KLHL8: variants seen among roughly 807,000 people sequenced by gnomAD.
The protein encoded by KLHL8 is kelch like family member 8, also known as kelch-like protein 8.
Under a neutral mutation model 63.5 loss-of-function variants are expected in KLHL8, and 38 were observed. That is an observed-to-expected ratio of 0.60 (90% confidence interval 0.46 to 0.78). KLHL8 has a LOEUF of 0.78. Among genes scored for constraint, KLHL8 ranks in the 30% least tolerant of loss-of-function variants. The pLI is 0.00. For synonymous variants in KLHL8, 224 were observed against 254.3 expected (o/e 0.88, Z 1.13); for missense variants, 566 against 752.4 (o/e 0.75, Z 2.90).
At chr4:87,222,270 C>T (rs528585126), upstream of KLHL8, among the ~76,000 whole-genome samples, 1 of 152,296 alleles carries the variant, frequency 6.6e-6, no homozygotes, top group Non-Finnish European at 1.5e-5. Context: ...ACACTTTTTC[C>T]CAGGCCATTG....
chr4:87,168,768 A>G (rs1371566497), intron 8 of KLHL8, among the ~76,000 whole-genome samples: 1 of 138,496 alleles, frequency 7.2e-6, no homozygotes, highest in African/African-American at 2.6e-5. Flanking sequence ...GTGTGTATAT[A>G]TATGTGTATA....
chr4:87,187,850 T>C (rs1731328229), intron 2 of KLHL8, among the ~76,000 whole-genome samples: 2 of 152,204 alleles, frequency 1.3e-5, no homozygotes, highest in South Asian at 4.1e-4. Flanking sequence ...TAGTACTATT[T>C]TAACAGTTTT....
At chr4:87,187,147 G>A (rs1238731154) in intron 2 of KLHL8, among the ~76,000 whole-genome samples, 2 of 152,098 alleles carry the variant, frequency 1.3e-5, no homozygotes, top group Non-Finnish European at 2.9e-5. Flanking sequence ...CTGCTTCAAA[G>A]GATACAATGT....
rs536347359 is a variant in KLHL8 at position 87,232,883 on chromosome 4, GT to G, written n.57+7374del. ...ATTTGTTGGTCCATTTTTCTATTAG[GT>G]TTTTTTTTCCAATTAGTTTTTTTTA... On this transcript the variant is annotated intron_variant and non_coding_transcript_variant, in intron 1 of 1. Transcript: ENST00000506274. 8.4e-3 allele frequency among the ~76,000 whole-genome samples: 1,250 copies of G among 149,054 alleles called. 21 individuals carry two copies. Among genetic ancestry groups the G allele is most frequent in the African/African-American group, 0.029 (1,186 of 40,580 alleles).
At position 87,160,226 on chromosome 4, in the gene KLHL8, T is replaced by C. The variant is rs1730106859; in HGVS notation, c.*3293A>G. The C allele has an allele frequency of 6.6e-6, 1 of 152,176 alleles. No individual in the cohort carries two copies. Among genetic ancestry groups the C allele is most frequent in the Non-Finnish European group, 1.5e-5 (1 of 68,016 alleles). 9.4% of individuals were successfully genotyped at this position (152,176 alleles called of 1,614,324 possible). On this transcript the variant is annotated 3_prime_UTR_variant, in exon 10 of 10. Transcript: ENST00000273963. ...CTTATTACATTGATTTTCTGGAGTA[T>C]TATAACACAAATTTATAAATGGTTT...
rs145410218 is a variant in KLHL8, at chr4:87,212,545, G to A, written c.-152+7873C>T. Among the ~76,000 whole-genome samples the A allele has an allele frequency of 1.3e-3, 194 of 151,814 alleles. 1 individual carries two copies. The highest frequency in any genetic ancestry group is 2.0e-3 in the Admixed American group (31 of 15,238). On this transcript the variant is annotated intron_variant, in intron 1 of 9. Transcript: ENST00000273963. Reference sequence around the variant, plus strand: ...GTAGTGAGCCATGATCTTGCCAGTGGACTCCAGCCTAAGCGACACAGTGAG... The same window carrying A: ...GTAGTGAGCCATGATCTTGCCAGTGAACTCCAGCCTAAGCGACACAGTGAG...
intron 8 of KLHL8, among the ~76,000 whole-genome samples, chr4:87,165,149 C>CAAAAA (rs71660120): frequency 2.9e-5 from 1 of 34,134 alleles, no homozygotes; most frequent in Non-Finnish European, 5.4e-5. Context: ...GACTCTGTCT[C>CAAAAA]AAAAAAAAAA....
intron 1 of KLHL8, chr4:87,207,355 G>A: frequency 3.1e-6 from 2 of 645,460 alleles, no homozygotes; most frequent in Non-Finnish European, 5.7e-6. Context: ...GGGCAATGCT[G>A]ACGCTGAGTA....
intron 2 of KLHL8, among the ~76,000 whole-genome samples, chr4:87,189,688 AAG>A (rs1002764299): frequency 6.6e-6 from 1 of 152,058 alleles, no homozygotes; most frequent in African/African-American, 2.4e-5. Flanking sequence ...TGAAAAAAAA[AAG>A]AGTTAACATT....
chr4:87,208,602 T>C (rs1732259140), intron 1 of KLHL8, among the ~76,000 whole-genome samples: 1 of 152,180 alleles, frequency 6.6e-6, no homozygotes, highest in African/African-American at 2.4e-5. Context: ...CCTCCCAAAA[T>C]GCGGGGACTA....
chr4:87,193,698 G>T (rs1307650488), intron 2 of KLHL8, among the ~76,000 whole-genome samples: 3 of 152,134 alleles, frequency 2.0e-5, no homozygotes, highest in African/African-American at 7.2e-5. Context: ...TGGCAATGAG[G>T]TAAGTTTGTT....
upstream of KLHL8, among the ~76,000 whole-genome samples, chr4:87,221,945 T>G (rs529095815): frequency 2.0e-5 from 3 of 152,206 alleles, no homozygotes; most frequent in South Asian, 4.2e-4. Context: ...ATGTAAAAAT[T>G]GTTGGGACTC....
chr4:87,238,571 G>A (rs1172291545), intron 1 of KLHL8, among the ~76,000 whole-genome samples: 2 of 152,148 alleles, frequency 1.3e-5, no homozygotes, highest in Non-Finnish European at 2.9e-5. Context: ...TTGGTCACAT[G>A]TGACTATTGA....
At chr4:87,199,878 G>C (rs1462610903) in intron 1 of KLHL8, among the ~76,000 whole-genome samples, 1 of 151,618 alleles carries the variant, frequency 6.6e-6, no homozygotes, top group African/African-American at 2.4e-5. Flanking sequence ...AGGTGTGGTG[G>C]CTCACTCCTA....
At chr4:87,174,096 A>G (rs981153030) in intron 6 of KLHL8, among the ~76,000 whole-genome samples, 26 of 152,210 alleles carry the variant, frequency 1.7e-4, no homozygotes, top group South Asian at 2.1e-4. Context: ...ATAACAAGTC[A>G]TTTTTGCAGA....
chr4:87,203,348 T>G (rs577572081), intron 1 of KLHL8, among the ~76,000 whole-genome samples: 1 of 152,028 alleles, frequency 6.6e-6, no homozygotes, highest in African/African-American at 2.4e-5. Context: ...CCATCCTGGC[T>G]AACATGATGA....
intron 1 of KLHL8, among the ~76,000 whole-genome samples, chr4:87,239,497 G>A (rs990267640): frequency 2.0e-5 from 3 of 152,142 alleles, no homozygotes; most frequent in South Asian, 2.1e-4. Context: ...AGGAACATGC[G>A]CACTTCTAAT....
chr4:87,171,734 G>A (rs929432798), intron 6 of KLHL8, among the ~76,000 whole-genome samples: 4 of 152,092 alleles, frequency 2.6e-5, no homozygotes, highest in Admixed American at 6.5e-5. Context: ...AACATCATAC[G>A]TTTTAGTCCA....
At chr4:87,181,948 G>T (rs1731066821) in intron 4 of KLHL8, among the ~76,000 whole-genome samples, 1 of 152,010 alleles carries the variant, frequency 6.6e-6, no homozygotes, top group Non-Finnish European at 1.5e-5. Flanking sequence ...CAATTCTTGG[G>T]CCGGGCGCGA....
Sources: allele counts gnomAD v4.1 joint callset (sites outside exome capture counted in the v4.1 genomes callset), GRCh38; gene constraint gnomAD v4.1.1; transcripts MANE v1.5; gene names NCBI Gene and HGNC (gene_info 2026-07-23, HGNC 2026-07-21).